The following DCDC2C variants were observed in gnomAD, a reference collection of about 807,000 sequenced individuals.
DCDC2C encodes doublecortin domain containing 2C, also known as doublecortin domain-containing protein 2C.
In DCDC2C, 44 loss-of-function variants were observed where a neutral mutation model predicts 45.0. That is an observed-to-expected ratio of 0.98 (90% CI 0.77 to 1.26). The LOEUF (loss-of-function observed/expected upper bound fraction) is 1.26, where lower values mean the gene tolerates loss of function less well. Ranked by LOEUF, DCDC2C falls within the 50% of genes most tolerant of loss-of-function variation. The pLI, the probability that DCDC2C is intolerant of heterozygous loss-of-function variation, is 0.00. For missense variants in DCDC2C, 447 were observed against 468.9 expected, an observed-to-expected ratio of 0.95 and a Z score of 0.43; for synonymous variants, 187 against 178.8, an observed-to-expected ratio of 1.05 and a Z score of -0.37.
At chr2:3,707,647 A>G (rs17017902) in intron 1 of DCDC2C, among the ~76,000 whole-genome samples, 3,983 of 152,292 alleles carry the variant, frequency 0.026, 179 homozygotes, top group African/African-American at 0.09. Context: ...AGCTGCGTGC[A>G]TCTCCGCTAT....
At chr2:3,811,508 A>AGTCAT (rs1236453469) in intron 10 of DCDC2C, among the ~76,000 whole-genome samples, 1 of 152,200 alleles carries the variant, frequency 6.6e-6, no homozygotes, top group Non-Finnish European at 1.5e-5. Context: ...CTAAATATAC[A>AGTCAT]GTCATGTCAT....
intron 4 of DCDC2C, among the ~76,000 whole-genome samples, chr2:3,749,931 A>G (rs57309725): frequency 0.017 from 2,537 of 152,266 alleles, 72 homozygotes; most frequent in African/African-American, 0.057. Flanking sequence ...ATGCAGAGAC[A>G]TTCCAGTTGA....
chr2:3,832,000 G>A (rs1454722755), intron 10 of DCDC2C, among the ~76,000 whole-genome samples: 5 of 152,188 alleles, frequency 3.3e-5, no homozygotes, highest in African/African-American at 1.2e-4. Flanking sequence ...AGGAATCAGT[G>A]TCTCCTGGCA....
At chr2:3,836,199 C>T (rs1235558699) in intron 10 of DCDC2C, among the ~76,000 whole-genome samples, 1 of 152,156 alleles carries the variant, frequency 6.6e-6, no homozygotes, top group Non-Finnish European at 1.5e-5. Flanking sequence ...GGCACTTTAT[C>T]TCTGTGGAAC....
In DCDC2C at chr2:3,708,492, AACTTTC is replaced by A. The variant is rs1243305869; in HGVS notation, c.288-56_288-51del. ...AAGGACTCGTTTCTAAGGAGTCTGG[AACTTTC>A]TATGTAAATATCTTCCTTCTAATGA... On this transcript the variant is annotated intron_variant, in intron 1 of 10. Coordinates refer to ENST00000399143, the MANE Select transcript of DCDC2C (RefSeq NM_001287444.2). 4 of 1,382,586 alleles carry A rather than the reference AACTTTC, an allele frequency of 2.9e-6. No homozygotes were observed. The African/African-American group carries it at 4.4e-5, about 15-fold the overall frequency. The allele number at this position is 1,382,586 out of a possible 1,614,324, so 85.6% of individuals were successfully genotyped here.
intron 10 of DCDC2C, among the ~76,000 whole-genome samples, chr2:3,801,652 C>T (rs1671116937): frequency 6.6e-6 from 1 of 152,220 alleles, no homozygotes; most frequent in Non-Finnish European, 1.5e-5. Flanking sequence ...CTGGGTGGCC[C>T]CTGGCCCGGA....
intron 2 of DCDC2C, among the ~76,000 whole-genome samples, chr2:3,716,071 C>A (rs1323779044): frequency 6.6e-6 from 1 of 152,110 alleles, no homozygotes; most frequent in Non-Finnish European, 1.5e-5. Flanking sequence ...GTGACATGGA[C>A]CTTGAGCAAG....
At chr2:3,762,594 G>T (rs915946012) in intron 6 of DCDC2C, among the ~76,000 whole-genome samples, 1 of 151,954 alleles carries the variant, frequency 6.6e-6, no homozygotes, top group Non-Finnish European at 1.5e-5. Context: ...AGAGAGTCGG[G>T]GGGAGCAGGG....
intron 10 of DCDC2C, among the ~76,000 whole-genome samples, chr2:3,808,102 T>TGAA (rs1671300096): frequency 6.6e-6 from 1 of 152,168 alleles, no homozygotes; most frequent in East Asian, 1.9e-4. Context: ...CTGGCAAACT[T>TGAA]TTGCTAAGCA....
At chr2:3,730,564 G>A (rs1023841125) in intron 3 of DCDC2C, among the ~76,000 whole-genome samples, 3 of 152,078 alleles carry the variant, frequency 2.0e-5, no homozygotes, top group African/African-American at 7.2e-5. Flanking sequence ...TGCTTCTAGT[G>A]AGCAAAGGCA....
At chr2:3,785,623 T>C (rs1400262769) in intron 10 of DCDC2C, among the ~76,000 whole-genome samples, 2 of 152,122 alleles carry the variant, frequency 1.3e-5, no homozygotes, top group East Asian at 3.9e-4. Flanking sequence ...CGGAAGGTGC[T>C]TCCCCCTAGA....
At chr2:3,744,825 A>T (rs1458412217) in intron 4 of DCDC2C, among the ~76,000 whole-genome samples, 3 of 152,184 alleles carry the variant, frequency 2.0e-5, no homozygotes, top group African/African-American at 7.2e-5. Flanking sequence ...GGTGGAAGTT[A>T]GATGTTTGTG....
intron 4 of DCDC2C, chr2:3,752,548 T>A: frequency 1.5e-6 from 1 of 651,470 alleles, no homozygotes; most frequent in Non-Finnish European, 2.8e-6. Context: ...AAATACACTT[T>A]AATTAAAAAA....
chr2:3,752,991 T>C (rs969851737), intron 5 of DCDC2C, 91 bp downstream of exon 5: 1 of 1,358,530 alleles, frequency 7.4e-7, no homozygotes. Context: ...AGTTCAGCTA[T>C]TGGTTATTTT....
intron 10 of DCDC2C, among the ~76,000 whole-genome samples, chr2:3,829,285 T>C (rs1671898631): frequency 3.7e-5 from 1 of 26,770 alleles, no homozygotes; most frequent in Non-Finnish European, 8.4e-5. Flanking sequence ...TGTCTTTTTC[T>C]TTTTTTTTTT....
intron 8 of DCDC2C, among the ~76,000 whole-genome samples, chr2:3,774,768 T>C (rs1449992344): frequency 6.9e-6 from 1 of 145,786 alleles, no homozygotes; most frequent in Non-Finnish European, 1.5e-5. Context: ...TTTGAATTTT[T>C]GATTTTTTTT....
At chr2:3,779,049 C>T (rs906491496) in intron 9 of DCDC2C, among the ~76,000 whole-genome samples, 165 bp downstream of exon 9, 4 of 152,160 alleles carry the variant, frequency 2.6e-5, no homozygotes, top group Non-Finnish European at 5.9e-5. Flanking sequence ...GCCGTGGACA[C>T]GATCGGGTTT....
intron 2 of DCDC2C, among the ~76,000 whole-genome samples, chr2:3,709,231 G>T (rs763838341): frequency 3.9e-5 from 6 of 152,124 alleles, no homozygotes; most frequent in East Asian, 1.9e-4. Flanking sequence ...TATTTTGAGG[G>T]TATCTACTTC....
chr2:3,738,877 C>T (rs575125731), intron 3 of DCDC2C, among the ~76,000 whole-genome samples: 42 of 152,338 alleles, frequency 2.8e-4, no homozygotes, highest in African/African-American at 9.9e-4. Flanking sequence ...CTATCACAGA[C>T]TTCCAGGGAA....
Sources: allele counts gnomAD v4.1 joint callset (sites outside exome capture counted in the v4.1 genomes callset), GRCh38; gene constraint gnomAD v4.1.1; transcripts MANE v1.5; gene names NCBI Gene and HGNC (gene_info 2026-07-23, HGNC 2026-07-21).